The following ACTR3C variants were observed in gnomAD, a reference collection of about 807,000 sequenced individuals.
ACTR3C encodes actin-related protein 3C.
In ACTR3C, 18 loss-of-function variants were observed where a neutral mutation model predicts 26.3. The ratio of observed to expected loss-of-function variants is 0.68; its 90% confidence interval spans 0.47 to 1.01. ACTR3C has a LOEUF of 1.01. ACTR3C is among the 50% of genes least tolerant of loss of function. The pLI is 0.00. For synonymous variants in ACTR3C, 55 were observed against 94.5 expected, an observed-to-expected ratio of 0.58 and a Z score of 2.42; for missense variants, 184 against 250.7, an observed-to-expected ratio of 0.73 and a Z score of 1.80.
chr7:149,947,108 C>T, the ACTR3C span, among the ~76,000 whole-genome samples: 13 of 151,572 alleles, frequency 8.6e-5, no homozygotes, highest in Admixed American at 3.3e-4. Context: ...CTACACATCA[C>T]TGAGTCAGTG....
the ACTR3C span, among the ~76,000 whole-genome samples, chr7:150,192,170 A>G: frequency 1.3e-5 from 2 of 150,604 alleles, no homozygotes; most frequent in Non-Finnish European, 3.0e-5. Flanking sequence ...CATGAGGGAT[A>G]TTGGTTTTTA....
the ACTR3C span, among the ~76,000 whole-genome samples, chr7:150,031,652 C>T: frequency 2.5e-3 from 379 of 152,162 alleles, 2 homozygotes; most frequent in Middle Eastern, 0.017. Flanking sequence ...TGTATTTATA[C>T]CATTGGCCTG....
chr7:150,264,955 C>T (rs143439112), intron 6 of ACTR3C: 24 of 829,100 alleles, frequency 2.9e-5, no homozygotes, highest in Admixed American at 6.2e-5. Context: ...GAGTGATACC[C>T]GAACTGAACA....
chr7:150,085,008 G>A, the ACTR3C span, among the ~76,000 whole-genome samples: 1 of 152,110 alleles, frequency 6.6e-6, no homozygotes, highest in African/African-American at 2.4e-5. Flanking sequence ...GAGGTGAAAG[G>A]GAAAGTGAAC....
the ACTR3C span, among the ~76,000 whole-genome samples, chr7:150,034,337 C>G: frequency 7.0e-4 from 107 of 151,816 alleles, 1 homozygote; most frequent in African/African-American, 2.3e-3. Flanking sequence ...CAGCTGCCAT[C>G]TTTTCTCTCT....
chr7:150,039,162 G>A, the ACTR3C span, among the ~76,000 whole-genome samples: 1 of 151,394 alleles, frequency 6.6e-6, no homozygotes, highest in African/African-American at 2.4e-5. Context: ...TGGGGGAAGA[G>A]GGTCTGGCTC....
In ACTR3C at chr7:150,247,569, T is replaced by C. The variant is rs1438930293; in HGVS notation, c.*39A>G. On this transcript the variant is annotated splice_region_variant and 3_prime_UTR_variant, in exon 8 of 8. Coordinates refer to ENST00000683684, the MANE Select transcript of ACTR3C (RefSeq NM_001164458.2). ...AAGAGAACATTGCTGGCCTTGGAAA[T>C]CTGAAAAACAGACACAAAACAGGAA... 1 of 134,466 alleles carries C rather than the reference T, an allele frequency of 7.4e-6. No homozygotes were observed. Among genetic ancestry groups the C allele is most frequent in the Non-Finnish European group, 1.6e-5 (1 of 63,508 alleles). 8.3% of individuals were successfully genotyped at this position (134,466 alleles called of 1,614,324 possible). A position where few individuals can be genotyped will look rare whatever the true frequency, so the allele number is the denominator to read the frequency against.
the ACTR3C span, among the ~76,000 whole-genome samples, chr7:150,223,474 G>GT: frequency 7.0e-6 from 1 of 142,042 alleles, no homozygotes; most frequent in Non-Finnish European, 1.5e-5. Context: ...TAGATGCAGG[G>GT]TTTTTTTGTT....
the ACTR3C span, among the ~76,000 whole-genome samples, chr7:150,039,681 TGGGGGGTCCTAAG>T: frequency 1.0e-5 from 1 of 99,794 alleles, no homozygotes; most frequent in African/African-American, 3.5e-5. Flanking sequence ...GGATCAACGA[TGGGGGGTCCTAAG>T]CCGGGGGGGA....
At chr7:150,158,833 CAG>C in the ACTR3C span, among the ~76,000 whole-genome samples, 11 of 151,428 alleles carry the variant, frequency 7.3e-5, no homozygotes, top group African/African-American at 2.7e-4. Flanking sequence ...CATGCACACA[CAG>C]GCACACACAG....
At chr7:149,991,232 AC>A in the ACTR3C span, among the ~76,000 whole-genome samples, 1 of 151,940 alleles carries the variant, frequency 6.6e-6, no homozygotes, top group Non-Finnish European at 1.5e-5. Context: ...GGAAAGACCC[AC>A]CCCCATGAAT....
chr7:150,110,268 A>T, the ACTR3C span, among the ~76,000 whole-genome samples: 2 of 151,892 alleles, frequency 1.3e-5, no homozygotes, highest in African/African-American at 4.8e-5. Context: ...AAACAGTAAG[A>T]AAGAGTTGTC....
chr7:149,949,195 C>T, the ACTR3C span, among the ~76,000 whole-genome samples: 1 of 142,412 alleles, frequency 7.0e-6, no homozygotes, highest in African/African-American at 3.0e-5. Context: ...TGTGTATATA[C>T]ATATATACAC....
intron 6 of ACTR3C, among the ~76,000 whole-genome samples, chr7:150,262,884 A>C (rs1833750663): frequency 6.6e-6 from 1 of 152,270 alleles, no homozygotes; most frequent in African/African-American, 2.4e-5. Flanking sequence ...CAAGGGCTTG[A>C]AAGTGAAATA....
chr7:149,920,371 G>A, the ACTR3C span, among the ~76,000 whole-genome samples: 1 of 151,190 alleles, frequency 6.6e-6, no homozygotes, highest in Non-Finnish European at 1.5e-5. Flanking sequence ...CAGTGGCGCA[G>A]TCACAACTCA....
chr7:150,276,156 G>T (rs1157200558), intron 6 of ACTR3C, among the ~76,000 whole-genome samples: 2 of 152,120 alleles, frequency 1.3e-5, no homozygotes, highest in African/African-American at 4.8e-5. Flanking sequence ...ATTTATGTCA[G>T]AAAGATTGGA....
rs115579706 is a variant in ACTR3C at position 150,274,807 on chromosome 7, G to T, written c.564+9946C>A. On this transcript the variant is annotated intron_variant, in intron 6 of 7. Coordinates refer to ENST00000683684, the MANE Select transcript of ACTR3C (RefSeq NM_001164458.2). This position sits in a 1 kb window ranked among gnomAD's most constrained non-coding sequence, Gnocchi z 4.1. ...TCCCACAAAAGCCAAAAGCCAATAT[G>T]ATCGATTCTAAAAAAAACACTTAAT... 9.5e-3 allele frequency among the ~76,000 whole-genome samples: 1,439 copies of T among 152,258 alleles called. 25 individuals carry two copies. The highest frequency in any genetic ancestry group is 0.033 in the African/African-American group (1,379 of 41,538).
intron 6 of ACTR3C, among the ~76,000 whole-genome samples, chr7:150,267,168 G>A (rs1834104278): frequency 6.6e-6 from 1 of 152,212 alleles, no homozygotes; most frequent in Non-Finnish European, 1.5e-5. Flanking sequence ...CAAATGACAT[G>A]CACACCTCAA....
At chr7:150,146,403 T>G in the ACTR3C span, among the ~76,000 whole-genome samples, 1 of 152,178 alleles carries the variant, frequency 6.6e-6, no homozygotes, top group Non-Finnish European at 1.5e-5. Flanking sequence ...TCCACTAACT[T>G]CCACAATCAA....
Sources: gnomAD v4.1 joint callset for allele counts (sites outside exome capture counted in the v4.1 genomes callset) on GRCh38, gnomAD v4.1.1 for gene constraint, Gnocchi (gnomAD v3.1) non-coding constraint, MANE v1.5 for transcripts, NCBI Gene and HGNC (gene_info 2026-07-23, HGNC 2026-07-21) for gene names.